The following FEZ1 variants were observed in gnomAD, a reference collection of about 807,000 sequenced individuals.
The protein encoded by FEZ1 is fasciculation and elongation protein zeta-1.
In FEZ1, 20 loss-of-function variants were observed where a neutral mutation model predicts 49.3. The observed-to-expected ratio is 0.41, with a 90% confidence interval of 0.29 to 0.59. FEZ1 has a LOEUF of 0.59. FEZ1 is among the 20% of genes least tolerant of loss of function. The pLI is 0.36. For missense variants in FEZ1, 413 were observed against 476.0 expected (o/e 0.87, Z 1.23); for synonymous variants, 170 against 180.9 (o/e 0.94, Z 0.48).
In FEZ1 at chr11:125,495,322, G is replaced by T. The variant is rs1202421982; in HGVS notation, c.-46+799C>A. ...GCCCGGACACGGGAGAGGGATGAGAGTCGGGGATGCCTAGCGGCGAGGAGA... is the reference window on the plus strand; with the variant it reads ...GCCCGGACACGGGAGAGGGATGAGATTCGGGGATGCCTAGCGGCGAGGAGA... On this transcript the variant is annotated intron_variant, in intron 1 of 9. Transcript: ENST00000278919. The surrounding 1 kb of genome is among the most constrained non-coding windows in gnomAD (Gnocchi z 4.2). The T allele has an allele frequency of 1.7e-5, 8 of 464,682 alleles. No individual in the cohort carries two copies. The highest frequency in any genetic ancestry group is 3.1e-5 in the Non-Finnish European group (7 of 222,800). 28.8% of individuals were successfully genotyped at this position (464,682 alleles called of 1,614,324 possible).
At chr11:125,483,343 A>T (rs1259413396) in intron 2 of FEZ1, among the ~76,000 whole-genome samples, 2 of 152,194 alleles carry the variant, frequency 1.3e-5, no homozygotes, top group East Asian at 3.9e-4. Flanking sequence ...ATGTAATGGC[A>T]GTGCTTGGGG....
chr11:125,475,046 G>A (rs1957218328), intron 3 of FEZ1, among the ~76,000 whole-genome samples: 1 of 152,178 alleles, frequency 6.6e-6, no homozygotes, highest in African/African-American at 2.4e-5. Flanking sequence ...GGGGCAGGTG[G>A]ATCACTTGAG....
At chr11:125,467,380 T>G (rs550313261) in intron 3 of FEZ1, among the ~76,000 whole-genome samples, 2 of 152,318 alleles carry the variant, frequency 1.3e-5, no homozygotes, top group East Asian at 3.9e-4. Flanking sequence ...AGGAAACATC[T>G]GCGTGGATTA....
In FEZ1 at chr11:125,481,653, C is replaced by T; in HGVS notation, c.312-20G>A. ...CAAACCCTGTAAACAAAGAGAAGCT[C>T]TCATTAACACACATCTGTGGCCTGG... On this transcript the variant is annotated intron_variant, in intron 2 of 9. Coordinates refer to ENST00000278919, the MANE Select transcript of FEZ1 (RefSeq NM_005103.5). The T allele has an allele frequency of 1.3e-6, 2 of 1,525,224 alleles. No individual in the cohort carries two copies. The highest frequency in any genetic ancestry group is 1.8e-6 in the Non-Finnish European group (2 of 1,099,150). The allele number at this position is 1,525,224 out of a possible 1,614,324, so 94.5% of individuals were successfully genotyped here. A position where few individuals can be genotyped will look rare whatever the true frequency, so the allele number is the denominator to read the frequency against.
chr11:125,453,923 G>C (rs1417024198), intron 7 of FEZ1: 1 of 387,492 alleles, frequency 2.6e-6, no homozygotes, highest in Non-Finnish European at 4.3e-6. Context: ...TAGAACACTA[G>C]AGCTCAAAAA....
Position 125,457,400 on chromosome 11 carries a change from C to CT in FEZ1, c.668-1295dup, listed in dbSNP as rs1208418825. ...GGCCAACATGGTGAAACTGTTTCTA[C>CT]TTTAAAAAAAAAAAAAAAAAAAAAA... On this transcript the variant is annotated intron_variant, in intron 5 of 9. Coordinates refer to ENST00000278919, the MANE Select transcript of FEZ1 (RefSeq NM_005103.5). Among the ~76,000 whole-genome samples, 182 of 42,484 alleles carry CT rather than the reference C, an allele frequency of 4.3e-3. 4 individuals are homozygous for CT. Among genetic ancestry groups the CT allele is most frequent in the African/African-American group, 0.018 (175 of 9,588 alleles). 27.9% of individuals were successfully genotyped at this position (42,484 alleles called of 152,430 possible). A position where few individuals can be genotyped will look rare whatever the true frequency, so the allele number is the denominator to read the frequency against.
intron 3 of FEZ1, among the ~76,000 whole-genome samples, chr11:125,472,334 G>T (rs1320089696): frequency 7.9e-5 from 12 of 151,930 alleles, no homozygotes; most frequent in Non-Finnish European, 1.8e-4. Flanking sequence ...ATTAATAAAG[G>T]TGATAATCCC....
At position 125,495,286 on chromosome 11, in the gene FEZ1, C is replaced by T. The variant is rs1288205774; in HGVS notation, c.-46+835G>A. On this transcript the variant is annotated intron_variant, in intron 1 of 9. Transcript: ENST00000278919. The surrounding 1 kb of genome is among the most constrained non-coding windows in gnomAD (Gnocchi z 4.2). ...CCGCATACACACTCCACTGCCCTTC[C>T]GGCCAAACAAGCCCGGACACGGGAG... is the stretch of plus-strand genomic sequence containing the variant. The T allele has an allele frequency of 4.5e-6, 2 of 440,106 alleles. No individual in the cohort carries two copies. Among genetic ancestry groups the T allele is most frequent in the Non-Finnish European group, 9.5e-6 (2 of 209,572 alleles). 27.3% of individuals were successfully genotyped at this position (440,106 alleles called of 1,614,324 possible).
At chr11:125,457,428 AAAT>A (rs1324431350) in intron 5 of FEZ1, among the ~76,000 whole-genome samples, 8 of 32,386 alleles carry the variant, frequency 2.5e-4, no homozygotes, top group African/African-American at 8.5e-4. Context: ...AAAAAAAAAA[AAAT>A]ATATATATAT....
At chr11:125,479,743 G>A (rs1327008521) in intron 3 of FEZ1, among the ~76,000 whole-genome samples, 1 of 152,110 alleles carries the variant, frequency 6.6e-6, no homozygotes, top group Non-Finnish European at 1.5e-5. Flanking sequence ...CAGAAAGCAG[G>A]TCCTCACCAG....
intron 7 of FEZ1, 117 bp downstream of exon 7, chr11:125,454,013 T>A: frequency 9.6e-6 from 5 of 519,786 alleles, no homozygotes; most frequent in East Asian, 4.0e-5. Flanking sequence ...TTAGGACCCC[T>A]AACCCCCTAA....
chr11:125,484,440 G>A (rs926774839), intron 2 of FEZ1, among the ~76,000 whole-genome samples: 1 of 152,162 alleles, frequency 6.6e-6, no homozygotes, highest in Non-Finnish European at 1.5e-5. Flanking sequence ...AATTGGCATC[G>A]GTATGGGCAT....
chr11:125,448,415 G>A, intron 9 of FEZ1, 87 bp downstream of exon 9: 3 of 862,528 alleles, frequency 3.5e-6, no homozygotes, highest in South Asian at 1.4e-5. Flanking sequence ...GGTCTGGTCT[G>A]GCATGGGCAA....
chr11:125,483,554 G>A (rs892742036), intron 2 of FEZ1, among the ~76,000 whole-genome samples: 1 of 152,174 alleles, frequency 6.6e-6, no homozygotes, highest in Non-Finnish European at 1.5e-5. Context: ...GCATTCTAGA[G>A]CCAAGAAGCA....
chr11:125,493,758 G>A (rs746399185), intron 1 of FEZ1, among the ~76,000 whole-genome samples: 1 of 152,182 alleles, frequency 6.6e-6, no homozygotes, highest in African/African-American at 2.4e-5. Context: ...AAGCCAATCC[G>A]ATAGTGTTGC....
rs371809271 is a variant in FEZ1, at chr11:125,465,586, C to A, written c.412-2016G>T. On this transcript the variant is annotated intron_variant, in intron 3 of 9. Transcript: ENST00000278919. ...ATGAAAGGTACTGTGAGTTCCTACT[C>A]TTATGGGAACCATACTCATCCCTTA... is the stretch of plus-strand genomic sequence containing the variant. 4.1e-4 allele frequency among the ~76,000 whole-genome samples: 62 copies of A among 152,332 alleles called. No homozygotes were observed. In the South Asian group the frequency reaches 7.5e-3, roughly 18 times the overall value.
At position 125,457,502 on chromosome 11, in the gene FEZ1, A is replaced by ATATATATACACATATATATATGTG. The variant is rs1555178544; in HGVS notation, c.668-1397_668-1396insCACATATATATATGTGTATATATA. On this transcript the variant is annotated intron_variant, in intron 5 of 9. Coordinates refer to ENST00000278919, the MANE Select transcript of FEZ1 (RefSeq NM_005103.5). ...TATACACATATATGTGTATATATGT[A>ATATATATACACATATATATATGTG]TATATATACACATATATATAATTTG... Among the ~76,000 whole-genome samples the ATATATATACACATATATATATGTG allele has an allele frequency of 1.3e-4, 14 of 109,792 alleles. 1 individual carries two copies. The highest frequency in any genetic ancestry group is 4.4e-4 in the African/African-American group (12 of 27,042). The allele number at this position is 109,792 out of a possible 152,430, so 72.0% of individuals were successfully genotyped here. A position where few individuals can be genotyped will look rare whatever the true frequency, so the allele number is the denominator to read the frequency against.
rs528250681 is a variant in FEZ1, at chr11:125,473,532, T to C, written c.411+8002A>G. ...ACTCCATACTATATACAAAACTAAT[T>C]TGAAGGCTGGGCACAGTGGCTCATA... On this transcript the variant is annotated intron_variant, in intron 3 of 9. Transcript: ENST00000278919. Among the ~76,000 whole-genome samples, 1,139 of 152,098 alleles carry C rather than the reference T, an allele frequency of 7.5e-3. 24 individuals carry two copies. The highest frequency in any genetic ancestry group is 0.024 in the African/African-American group (1,005 of 41,500).
Position 125,495,221 on chromosome 11 carries a change from T to C in FEZ1, c.-46+900A>G, listed in dbSNP as rs949328584. The C allele has an allele frequency of 1.9e-5, 7 of 373,550 alleles. No individual in the cohort carries two copies. The highest frequency in any genetic ancestry group is 1.4e-4 in the Admixed American group (4 of 28,510). 23.1% of individuals were successfully genotyped at this position (373,550 alleles called of 1,614,324 possible). A position where few individuals can be genotyped will look rare whatever the true frequency, so the allele number is the denominator to read the frequency against. ...AGAAAGCCTCCTCCAGGCAGCACAA[T>C]GGCTGGCACTCTGAGGAAGCCGGAC... On this transcript the variant is annotated intron_variant, in intron 1 of 9. Transcript: ENST00000278919. This position sits in a 1 kb window ranked among gnomAD's most constrained non-coding sequence, Gnocchi z 4.2.
Sources: allele counts gnomAD v4.1 joint callset (sites outside exome capture counted in the v4.1 genomes callset), GRCh38; gene constraint gnomAD v4.1.1; non-coding constraint Gnocchi (gnomAD v3.1); transcripts MANE v1.5; gene names NCBI Gene and HGNC (gene_info 2026-07-23, HGNC 2026-07-21).